PRDM16: variants seen among roughly 807,000 people sequenced by gnomAD.
The protein encoded by PRDM16 is histone-lysine N-methyltransferase PRDM16.
PRDM16 carries 23 observed loss-of-function variants against 110.6 expected under a neutral mutation model. The observed-to-expected ratio is 0.21, with a 90% CI of 0.15 to 0.29. The LOEUF (loss-of-function observed/expected upper bound fraction) is 0.29. Ranked by LOEUF, PRDM16 falls within the 10% of genes least tolerant of loss-of-function variation. The probability of loss-of-function intolerance (pLI) is 1.00; values close to 1 mark genes in which losing one functional copy is unlikely to be tolerated. For synonymous variants in PRDM16, 799 were observed against 781.8 expected (o/e 1.02, Z -0.37); for missense variants, 1,615 against 1,794.3 (o/e 0.90, Z 1.81).
chr1:3,169,414 G>C (rs902740617), intron 1 of PRDM16, among the ~76,000 whole-genome samples: 1 of 152,120 alleles, frequency 6.6e-6, no homozygotes, highest in Non-Finnish European at 1.5e-5. Flanking sequence ...CCGGGGGTTG[G>C]AAGATACCAC....
Position 3,208,112 on chromosome 1 carries a change from G to A in PRDM16, c.387+21638G>A, listed in dbSNP as rs148813495. 2.3e-3 allele frequency: 358 copies of A among 152,556 alleles called. No individual in the cohort carries two copies. Among genetic ancestry groups the A allele is most frequent in the Admixed American group, 3.9e-3 (60 of 15,300 alleles). The allele number at this position is 152,556 out of a possible 1,614,324, so 9.5% of individuals were successfully genotyped here. A position where few individuals can be genotyped will look rare whatever the true frequency, so the allele number is the denominator to read the frequency against. ...GAAAGCCCAAGCCAGCACCTGCCCC[G>A]GCACCTCTGCATCCACATGGCAGCT... On this transcript the variant is annotated intron_variant, in intron 2 of 16. Coordinates refer to ENST00000270722, the MANE Select transcript of PRDM16 (RefSeq NM_022114.4). The surrounding 1 kb of genome is among the most constrained non-coding windows in gnomAD (Gnocchi z 6.1).
intron 15 of PRDM16, among the ~76,000 whole-genome samples, 155 bp from the exon 16 acceptor site, chr1:3,431,811 C>T (rs1026524862): frequency 2.3e-4 from 35 of 152,394 alleles, no homozygotes; most frequent in East Asian, 1.3e-3. Context: ...CCCGTCCAGG[C>T]GTCTGTGTGT....
At chr1:3,188,729 C>T (rs1281545532) in intron 2 of PRDM16, among the ~76,000 whole-genome samples, 1 of 152,214 alleles carries the variant, frequency 6.6e-6, no homozygotes, top group Non-Finnish European at 1.5e-5. Context: ...TTTGTTGCTT[C>T]TATCAGATGG....
chr1:3,388,902 C>A (rs114071111), intron 4 of PRDM16, among the ~76,000 whole-genome samples: 25,450 of 152,240 alleles, frequency 0.17, 2,390 homozygotes, highest in Middle Eastern at 0.28. Flanking sequence ...GCCACCCCCG[C>A]ATCCCTCATG....
intron 2 of PRDM16, among the ~76,000 whole-genome samples, chr1:3,233,684 C>T (rs1389263231): frequency 1.3e-5 from 2 of 152,112 alleles, no homozygotes; most frequent in African/African-American, 2.4e-5. Flanking sequence ...GGAGAGCCGA[C>T]GTTAGATTGT....
intron 3 of PRDM16, among the ~76,000 whole-genome samples, chr1:3,289,716 A>G (rs892020537): frequency 6.6e-6 from 1 of 152,178 alleles, no homozygotes; most frequent in Non-Finnish European, 1.5e-5. Flanking sequence ...CTGGGGCAGG[A>G]CAGCACGGAT....
intron 3 of PRDM16, chr1:3,307,526 C>T (rs944350636): frequency 1.3e-5 from 2 of 152,188 alleles, no homozygotes; most frequent in African/African-American, 4.8e-5. Flanking sequence ...ATTTTCGTTC[C>T]TGTCCCCAGA....
Position 3,412,197 on chromosome 1 carries a change from T to C in PRDM16, c.2000T>C (p.Val667Ala). The C allele has an allele frequency of 6.3e-7, 1 of 1,596,336 alleles. No individual in the cohort carries two copies. Among genetic ancestry groups the C allele is most frequent in the East Asian group, 2.3e-5 (1 of 44,418 alleles). ...GAPNSVAEVP[V>A]FYSQHSFFPP... ...CCGAACAGCGTGGCCGAGGTGCCTG[T>C]CTTCTATTCCCAGCACTCATTCTTC... The change falls in exon 9 of 17, where the codon GTC (valine) becomes GCC (alanine). Residue 667 changes from valine (V) to alanine (A), a missense_variant. Transcript: ENST00000270722.
chr1:3,104,352 G>A (rs1014737921), intron 1 of PRDM16, among the ~76,000 whole-genome samples: 18 of 152,194 alleles, frequency 1.2e-4, no homozygotes, highest in Non-Finnish European at 2.6e-4. Flanking sequence ...GAAGGTGCTG[G>A]TGGGAGCTGG....
intron 3 of PRDM16, among the ~76,000 whole-genome samples, chr1:3,264,428 G>C (rs1478605605): frequency 6.7e-6 from 1 of 149,768 alleles, no homozygotes; most frequent in African/African-American, 2.5e-5. Context: ...AGGACCCTAG[G>C]CCAGGAGGAG....
At chr1:3,344,985 A>C (rs1276361070) in intron 3 of PRDM16, among the ~76,000 whole-genome samples, 1 of 152,172 alleles carries the variant, frequency 6.6e-6, no homozygotes, top group African/African-American at 2.4e-5. Flanking sequence ...TGAGGGGTGT[A>C]TATGCACACA....
chr1:3,417,198 A>G (rs1638288635), intron 10 of PRDM16, among the ~76,000 whole-genome samples: 1 of 152,222 alleles, frequency 6.6e-6, no homozygotes, highest in African/African-American at 2.4e-5. Context: ...GTCATGTGAC[A>G]TGTCACATTA....
At chr1:3,413,693 A>G (rs1357627431) in intron 9 of PRDM16, among the ~76,000 whole-genome samples, 1 of 152,150 alleles carries the variant, frequency 6.6e-6, no homozygotes, top group Non-Finnish European at 1.5e-5. Flanking sequence ...AGGTTTACCA[A>G]AGCGCTCTCA....
Position 3,195,477 on chromosome 1 carries a change from T to C in PRDM16, c.387+9003T>C, listed in dbSNP as rs1468879405. On this transcript the variant is annotated intron_variant, in intron 2 of 16. Transcript: ENST00000270722. ...GAGGGGACTTTCTTTAAATAGAGCA[T>C]TCTGATTCACAAGCGAAAAAGGAAA... is the stretch of plus-strand genomic sequence containing the variant. 2.6e-5 allele frequency among the ~76,000 whole-genome samples: 4 copies of C among 152,194 alleles called. No homozygotes were observed. In the East Asian group the frequency reaches 7.7e-4, roughly 29 times the overall value.
At chr1:3,369,962 C>T (rs900855202) in intron 3 of PRDM16, among the ~76,000 whole-genome samples, 6 of 152,168 alleles carry the variant, frequency 3.9e-5, no homozygotes, top group African/African-American at 9.7e-5. Context: ...AGGCCTGATA[C>T]GAAAGGCAGT....
chr1:3,409,065 G>A (rs187580707), intron 8 of PRDM16, among the ~76,000 whole-genome samples: 14 of 151,494 alleles, frequency 9.2e-5, no homozygotes, highest in South Asian at 2.1e-4. Flanking sequence ...GTGTGTCGGC[G>A]CACGTGACAG....
At chr1:3,085,238 G>T (rs957691329) in intron 1 of PRDM16, among the ~76,000 whole-genome samples, 3 of 152,238 alleles carry the variant, frequency 2.0e-5, no homozygotes, top group Admixed American at 6.5e-5. Flanking sequence ...TGAAGCCTGG[G>T]TGGGTGCTGG....
Position 3,359,864 on chromosome 1 carries a change from A to G in PRDM16, c.439-25288A>G, listed in dbSNP as rs1028041688. ...AGGTGGCACCCGACAAGGGCTTCCA[A>G]TGTGTTCCATGTGCAGGATCTCTTG... On this transcript the variant is annotated intron_variant, in intron 3 of 16. Coordinates refer to ENST00000270722, the MANE Select transcript of PRDM16 (RefSeq NM_022114.4). The surrounding 1 kb of genome is among the most constrained non-coding windows in gnomAD (Gnocchi z 4.3). Among the ~76,000 whole-genome samples, 8 of 140,968 alleles carry G rather than the reference A, an allele frequency of 5.7e-5. No individual in the cohort carries two copies. The highest frequency in any genetic ancestry group is 2.3e-4 in the African/African-American group (7 of 30,900). The allele number at this position is 140,968 out of a possible 152,430, so 92.5% of individuals were successfully genotyped here. A position where few individuals can be genotyped will look rare whatever the true frequency, so the allele number is the denominator to read the frequency against.
At chr1:3,118,584 G>A (rs970465359) in intron 1 of PRDM16, among the ~76,000 whole-genome samples, 8 of 152,252 alleles carry the variant, frequency 5.3e-5, no homozygotes, top group Admixed American at 4.6e-4. Flanking sequence ...CACCAGGAGA[G>A]GGGGAGGCAA....
Sources: allele counts gnomAD v4.1 joint callset (sites outside exome capture counted in the v4.1 genomes callset), GRCh38; gene constraint gnomAD v4.1.1; non-coding constraint Gnocchi (gnomAD v3.1); transcripts MANE v1.5; gene names NCBI Gene and HGNC (gene_info 2026-07-23, HGNC 2026-07-21).